Variants in NUP214 observed in about 807,000 individuals in gnomAD.
NUP214 encodes the protein nuclear pore complex protein Nup214.
Under a neutral mutation model 196.2 loss-of-function variants are expected in NUP214, and 79 were observed. That is an observed-to-expected ratio of 0.40 (90% CI 0.34 to 0.49). The LOEUF is 0.49. Ranked by LOEUF, NUP214 falls within the 20% of genes least tolerant of loss-of-function variation. The pLI is 0.58. For missense variants in NUP214, 2,468 were observed against 2,539.0 expected (o/e 0.97, Z 0.60); for synonymous variants, 1,020 against 990.5 (o/e 1.03, Z -0.56).
At chr9:131,214,267 G>A (rs1222001678) in intron 30 of NUP214, among the ~76,000 whole-genome samples, 1 of 152,164 alleles carries the variant, frequency 6.6e-6, no homozygotes, top group African/African-American at 2.4e-5. Flanking sequence ...GGTTCATTGT[G>A]GTTAAAACAC....
intron 28 of NUP214, among the ~76,000 whole-genome samples, chr9:131,196,532 G>T (rs1021489445): frequency 1.3e-5 from 2 of 152,094 alleles, no homozygotes; most frequent in Non-Finnish European, 2.9e-5. Flanking sequence ...TATTTCCTGC[G>T]ATCTTTGTAA....
At chr9:131,176,632 G>A (rs1026550445) in intron 23 of NUP214, among the ~76,000 whole-genome samples, 1 of 152,090 alleles carries the variant, frequency 6.6e-6, no homozygotes, top group Non-Finnish European at 1.5e-5. Flanking sequence ...CCTGACCAAA[G>A]CTTTTTTTTT....
At position 131,150,709 on chromosome 9, in the gene NUP214, C is replaced by T. The variant is rs371110372; in HGVS notation, c.2221C>T (p.Arg741Ter). The change falls in exon 16 of 36, where the codon CGA becomes TGA. Residue 741 changes from arginine to a stop codon, truncating the protein, a stop_gained. Coordinates refer to ENST00000359428, the MANE Select transcript of NUP214 (RefSeq NM_005085.4). LOFTEE classifies it high-confidence loss of function. Reference protein sequence around the residue: ...VGTSEEMKMLRTESDDLHTFL... With the variant: ...VGTSEEMKML Reference sequence around the variant, plus strand: ...CACTTCTGAGGAGATGAAGATGCTGCGAACAGAATCAGATGACTTGCATAC... The same window carrying T: ...CACTTCTGAGGAGATGAAGATGCTGTGAACAGAATCAGATGACTTGCATAC... The T allele has an allele frequency of 1.2e-6, 2 of 1,614,112 alleles. No homozygotes were observed. Among genetic ancestry groups the T allele is most frequent in the South Asian group, 2.2e-5 (2 of 91,074 alleles).
At chr9:131,129,248 T>C in intron 3 of NUP214, 31 bp from the exon 4 acceptor site, 1 of 1,575,482 alleles carries the variant, frequency 6.3e-7, no homozygotes, top group Non-Finnish European at 8.7e-7. Flanking sequence ...ATTTGTTAAC[T>C]TATTTCACTT....
In NUP214 at chr9:131,197,983, ACTT is replaced by A. The variant is rs1383248251; in HGVS notation, c.4491_4493del (p.Ser1499del). On this transcript the variant is annotated inframe_deletion, in exon 29 of 36. Transcript: ENST00000359428. ...CGCTGGCAGAAGCACAGAAGAGGCCACTTCATCAGCTTTGCCTGAGAAGCCAGG... is the reference window on the plus strand; with the variant it reads ...CGCTGGCAGAAGCACAGAAGAGGCCACATCAGCTTTGCCTGAGAAGCCAGG... 5 of 1,614,206 alleles carry A rather than the reference ACTT, an allele frequency of 3.1e-6. No homozygotes were observed. Among genetic ancestry groups the A allele is most frequent in the Middle Eastern group, 3.3e-4 (2 of 6,062 alleles).
intron 21 of NUP214, among the ~76,000 whole-genome samples, chr9:131,166,559 C>T (rs1318892254): frequency 6.6e-6 from 1 of 152,140 alleles, no homozygotes; most frequent in Non-Finnish European, 1.5e-5. Flanking sequence ...AATAACTCAG[C>T]ATGTAAACAC....
In NUP214 at chr9:131,125,825, C is replaced by T. The variant is rs1831329829; in HGVS notation, c.45+76C>T. 4.7e-6 allele frequency: 7 copies of T among 1,497,552 alleles called. No individual in the cohort carries two copies. In the Admixed American group the frequency reaches 6.1e-5, roughly 13 times the overall value. The allele number at this position is 1,497,552 out of a possible 1,614,324, so 92.8% of individuals were successfully genotyped here. The stretch of plus-strand genomic sequence containing the variant: ...TGGAGCCCAGCTGAAAGGCGAAGCG[C>T]GGTGCTGGCTGTCCCGCCTCCTGCT... On this transcript the variant is annotated intron_variant, in intron 1 of 35. Coordinates refer to ENST00000359428, the MANE Select transcript of NUP214 (RefSeq NM_005085.4). This position sits in a 1 kb window ranked among gnomAD's most constrained non-coding sequence, Gnocchi z 4.1.
chr9:131,175,402 C>T lies in NUP214; in HGVS notation c.3158-58C>T, dbSNP rs1833086188. On this transcript the variant is annotated intron_variant, in intron 22 of 35. Transcript: ENST00000359428. ...GAACATAAAGAATTTACCAATTTAA[C>T]CTTTTGTATTTTCCTGTTCTCTCAC... is the stretch of plus-strand genomic sequence containing the variant. 8.8e-6 allele frequency: 14 copies of T among 1,584,044 alleles called. 1 individual carries two copies. The African/African-American group carries it at 1.2e-4, about 14-fold the overall frequency.
intron 32 of NUP214, among the ~76,000 whole-genome samples, chr9:131,223,733 T>TA (rs1386712070): frequency 0.025 from 795 of 31,734 alleles, 31 homozygotes; most frequent in African/African-American, 0.061. Flanking sequence ...ATTTATTTTT[T>TA]TTTTTTTTTT....
chr9:131,183,123 C>T (rs1833335601), intron 24 of NUP214, among the ~76,000 whole-genome samples: 1 of 152,186 alleles, frequency 6.6e-6, no homozygotes. Flanking sequence ...CTTCTTCTGT[C>T]GCCAAGGCTG....
At chr9:131,159,298 T>C in intron 17 of NUP214, 85 bp from the exon 18 acceptor site, 2 of 862,450 alleles carry the variant, frequency 2.3e-6, no homozygotes, top group East Asian at 2.6e-5. Context: ...TAGAAGTATT[T>C]TAGAATTCTT....
In NUP214 at chr9:131,206,148, C is replaced by CTTTTTTTTTTTTTTTTTTTTTT. The variant is rs71265048; in HGVS notation, c.5592+4445_5592+4446insTTTTTTTTTTTTTTTTTTTTTT. 5.9e-3 allele frequency among the ~76,000 whole-genome samples: 447 copies of CTTTTTTTTTTTTTTTTTTTTTT among 76,282 alleles called. 100 individuals carry two copies. Among genetic ancestry groups the CTTTTTTTTTTTTTTTTTTTTTT allele is most frequent in the East Asian group, 0.015 (22 of 1,492 alleles). 50.0% of individuals were successfully genotyped at this position (76,282 alleles called of 152,430 possible). A position where few individuals can be genotyped will look rare whatever the true frequency, so the allele number is the denominator to read the frequency against. Reference sequence around the variant, plus strand: ...TCCACATAGAATTTTTTTCTTTTTTCTTTTTTTTTTTTTTGAGACAGGGTT... The same window carrying CTTTTTTTTTTTTTTTTTTTTTT: ...TCCACATAGAATTTTTTTCTTTTTTCTTTTTTTTTTTTTTTTTTTTTTTTTTTTTTTTTTTTGAGACAGGGTT... On this transcript the variant is annotated intron_variant, in intron 30 of 35. Transcript: ENST00000359428.
chr9:131,196,573 C>A (rs1344086630), intron 28 of NUP214, among the ~76,000 whole-genome samples: 1 of 152,156 alleles, frequency 6.6e-6, no homozygotes, highest in Non-Finnish European at 1.5e-5. Context: ...TTGTAATGAT[C>A]TAGATTTTCC....
intron 25 of NUP214, among the ~76,000 whole-genome samples, chr9:131,188,552 T>G (rs955583940): frequency 6.6e-6 from 1 of 152,252 alleles, no homozygotes; most frequent in African/African-American, 2.4e-5. Context: ...CATTTAAGCA[T>G]TTAGCATTCG....
chr9:131,136,084 A>G, intron 9 of NUP214, 78 bp downstream of exon 9: 11 of 1,207,460 alleles, frequency 9.1e-6, no homozygotes, highest in Non-Finnish European at 1.3e-5. Context: ...TCTGTTGTCC[A>G]GGCTGGAGTG....
At chr9:131,195,411 A>G (rs780003331) in intron 28 of NUP214, 117 bp downstream of exon 28, 4 of 805,312 alleles carry the variant, frequency 5.0e-6, no homozygotes, top group East Asian at 4.9e-5. Flanking sequence ...AGTATCTGCA[A>G]TAAGCTCAGT....
intron 30 of NUP214, among the ~76,000 whole-genome samples, chr9:131,206,007 G>C (rs893056980): frequency 2.0e-5 from 3 of 151,928 alleles, no homozygotes; most frequent in African/African-American, 7.3e-5. Context: ...AAAGAAATTC[G>C]TGCACGTATG....
At chr9:131,170,789 G>GTTA (rs1253819409) in intron 21 of NUP214, among the ~76,000 whole-genome samples, 63 of 112,600 alleles carry the variant, frequency 5.6e-4, no homozygotes, top group East Asian at 4.9e-3. Context: ...CAGTCCTTTT[G>GTTA]TTATTATTAT....
chr9:131,128,913 T>A (rs1420229955), intron 3 of NUP214: 1 of 329,702 alleles, frequency 3.0e-6, no homozygotes, highest in African/African-American at 2.2e-5. Flanking sequence ...GGTACTATTA[T>A]CTTCATTTTA....
Sources: allele counts gnomAD v4.1 joint callset (sites outside exome capture counted in the v4.1 genomes callset), GRCh38; gene constraint gnomAD v4.1.1; non-coding constraint Gnocchi (gnomAD v3.1); transcripts MANE v1.5; gene names NCBI Gene and HGNC (gene_info 2026-07-23, HGNC 2026-07-21).